Variants in SEMA3A observed in about 807,000 individuals in gnomAD.
SEMA3A encodes the protein semaphorin-3A.
SEMA3A carries 29 observed loss-of-function variants against 97.9 expected under a neutral mutation model. That is an observed-to-expected ratio of 0.30 (90% CI 0.22 to 0.40). The LOEUF is 0.40. SEMA3A is among the 10% of genes least tolerant of loss of function. The pLI is 1.00. For synonymous variants in SEMA3A, 321 were observed against 323.7 expected, an observed-to-expected ratio of 0.99 and a Z score of 0.09; for missense variants, 763 against 951.3, an observed-to-expected ratio of 0.80 and a Z score of 2.60.
intron 1 of SEMA3A, among the ~76,000 whole-genome samples, chr7:84,489,722 C>T (rs550856026): frequency 2.1e-4 from 31 of 146,122 alleles, no homozygotes; most frequent in African/African-American, 8.1e-4. Context: ...TCCTCTTGTG[C>T]GATGTTGGCG....
At chr7:84,100,880 A>C (rs1794941820) in intron 4 of SEMA3A, among the ~76,000 whole-genome samples, 1 of 152,176 alleles carries the variant, frequency 6.6e-6, no homozygotes, top group Non-Finnish European at 1.5e-5. Flanking sequence ...AGATATATCT[A>C]ATAAAACCTT....
At chr7:84,469,924 G>C (rs1292775685) in intron 1 of SEMA3A, among the ~76,000 whole-genome samples, 2 of 151,754 alleles carry the variant, frequency 1.3e-5, no homozygotes. Flanking sequence ...TGTTAGAAAA[G>C]TGTAAACACT....
intron 6 of SEMA3A, among the ~76,000 whole-genome samples, chr7:84,044,949 C>T (rs1378956913): frequency 6.6e-6 from 1 of 151,964 alleles, no homozygotes; most frequent in African/African-American, 2.4e-5. Context: ...TTTGTCACTA[C>T]CACATGGAAA....
At chr7:84,223,380 A>G (rs978184616) in intron 3 of SEMA3A, among the ~76,000 whole-genome samples, 1 of 151,886 alleles carries the variant, frequency 6.6e-6, no homozygotes, top group Non-Finnish European at 1.5e-5. Flanking sequence ...TGCCCAACAC[A>G]TTACATTATC....
chr7:83,995,180 C>T (rs901797044), intron 12 of SEMA3A, among the ~76,000 whole-genome samples: 2 of 152,140 alleles, frequency 1.3e-5, no homozygotes, highest in Non-Finnish European at 2.9e-5. Flanking sequence ...TCGGCTCGCG[C>T]ACGGTGCGCT....
chr7:84,034,356 T>C (rs1189536125), intron 6 of SEMA3A, among the ~76,000 whole-genome samples: 1 of 152,172 alleles, frequency 6.6e-6, no homozygotes, highest in Non-Finnish European at 1.5e-5. Context: ...TGTAAATATT[T>C]TGCAAATTGC....
At position 84,350,248 on chromosome 7, in the gene SEMA3A, C is replaced by T. The variant is rs114369826; in HGVS notation, c.-169+21576G>A. Among the ~76,000 whole-genome samples the T allele has an allele frequency of 1.1e-3, 163 of 152,182 alleles. 3 individuals carry two copies. The highest frequency in any genetic ancestry group is 3.7e-3 in the African/African-American group (155 of 41,520). On this transcript the variant is annotated intron_variant, in intron 2 of 3. Transcript: ENST00000424555. ...ATCTTTGTTCATTCTACATCTCCTC[C>T]TTTACTGTGGCCCAACACACTTCCC...
At chr7:84,244,028 T>G (rs548303358) in intron 3 of SEMA3A, among the ~76,000 whole-genome samples, 29 of 152,172 alleles carry the variant, frequency 1.9e-4, no homozygotes, top group Admixed American at 2.6e-4. Context: ...TGTAGTCAAT[T>G]TTAGAATAAA....
intron 1 of SEMA3A, among the ~76,000 whole-genome samples, chr7:84,461,464 C>CTT (rs67947350): frequency 0.021 from 3,087 of 148,048 alleles, 101 homozygotes; most frequent in African/African-American, 0.067. Flanking sequence ...ACTTGGAAAG[C>CTT]TTTTTTTTTT....
intron 5 of SEMA3A, among the ~76,000 whole-genome samples, chr7:84,057,473 T>TA (rs1234242840): frequency 1.1e-4 from 17 of 150,610 alleles, no homozygotes; most frequent in African/African-American, 2.9e-4. Context: ...TAAGAAAGAG[T>TA]AAAAAAAATA....
At chr7:84,073,163 G>T (rs1248680851) in intron 4 of SEMA3A, among the ~76,000 whole-genome samples, 1 of 152,056 alleles carries the variant, frequency 6.6e-6, no homozygotes, top group Admixed American at 6.6e-5. Context: ...AACCATCAGA[G>T]TTCAGTGTGA....
In SEMA3A at chr7:83,961,151, T is replaced by C. The variant is rs1788454258; in HGVS notation, c.*220A>G. On this transcript the variant is annotated 3_prime_UTR_variant, in exon 17 of 17. Transcript: ENST00000265362. ...AAGTCTGCTAAAGTGAACATCTGCA[T>C]TCACCTGTGTTCTCTGTTAGGTGGT... 7 of 560,024 alleles carry C rather than the reference T, an allele frequency of 1.2e-5. 1 individual carries two copies. In the South Asian group the frequency reaches 1.5e-4, roughly 12 times the overall value. 34.7% of individuals were successfully genotyped at this position (560,024 alleles called of 1,614,324 possible).
At chr7:84,481,212 G>A (rs1806435989) in intron 1 of SEMA3A, among the ~76,000 whole-genome samples, 1 of 152,036 alleles carries the variant, frequency 6.6e-6, no homozygotes, top group Non-Finnish European at 1.5e-5. Flanking sequence ...AAAGATACGA[G>A]GGCAAATCTA....
rs1039153755 is a variant in SEMA3A, at chr7:84,394,996, G to A, written c.-245-23096C>T. On this transcript the variant is annotated intron_variant, in intron 1 of 3. Transcript: ENST00000424555. ...GTTTCCATTGTGATGGCTATTCGGA[G>A]TATAGAAGACATAAGATAAAGCCTT... is the stretch of plus-strand genomic sequence containing the variant. Among the ~76,000 whole-genome samples the A allele has an allele frequency of 7.2e-5, 11 of 152,150 alleles. No homozygotes were observed. In the South Asian group the frequency reaches 1.4e-3, roughly 20 times the overall value.
chr7:83,962,281 C>T (rs751049825), intron 16 of SEMA3A, among the ~76,000 whole-genome samples: 2 of 151,942 alleles, frequency 1.3e-5, no homozygotes, highest in Non-Finnish European at 2.9e-5. Flanking sequence ...ACAAGCAGAA[C>T]ATTTCATGCT....
chr7:84,095,672 G>A (rs1231244019), intron 4 of SEMA3A, among the ~76,000 whole-genome samples: 1 of 149,984 alleles, frequency 6.7e-6, no homozygotes, highest in Non-Finnish European at 1.5e-5. Flanking sequence ...GGAGATCAAA[G>A]CATTTAGTCA....
At chr7:84,148,490 A>C (rs1796532688) in intron 1 of SEMA3A, among the ~76,000 whole-genome samples, 1 of 152,150 alleles carries the variant, frequency 6.6e-6, no homozygotes, top group Non-Finnish European at 1.5e-5. Context: ...TAGTCACAAT[A>C]ATGTCCTATT....
intron 11 of SEMA3A, 123 bp from the exon 12 acceptor site, chr7:84,002,169 T>C (rs1790483236): frequency 1.7e-6 from 1 of 582,162 alleles, no homozygotes. Context: ...TTTTAATTCA[T>C]TTTTTGGTCA....
At chr7:84,350,733 G>A (rs941887649) in intron 2 of SEMA3A, among the ~76,000 whole-genome samples, 1 of 152,106 alleles carries the variant, frequency 6.6e-6, no homozygotes, top group East Asian at 1.9e-4. Context: ...AATGATCAGA[G>A]CACAACTGTC....
Sources: allele counts gnomAD v4.1 joint callset (sites outside exome capture counted in the v4.1 genomes callset), GRCh38; gene constraint gnomAD v4.1.1; transcripts MANE v1.5; gene names NCBI Gene and HGNC (gene_info 2026-07-23, HGNC 2026-07-21).